RALGPS2: variants seen among roughly 807,000 people sequenced by gnomAD.
RALGPS2 encodes Ral GEF with PH domain and SH3 binding motif 2, also known as ras-specific guanine nucleotide-releasing factor RalGPS2.
In RALGPS2, 43 loss-of-function variants were observed where a neutral mutation model predicts 86.8. The ratio of observed to expected loss-of-function variants is 0.50; its 90% CI spans 0.39 to 0.64. RALGPS2 has a LOEUF of 0.64. RALGPS2 is among the 30% of genes least tolerant of loss of function. The probability of loss-of-function intolerance (pLI) is 0.00; values close to 1 mark genes in which losing one functional copy is unlikely to be tolerated. For missense variants in RALGPS2, 536 were observed against 694.6 expected (o/e 0.77, Z 2.57); for synonymous variants, 243 against 231.3 (o/e 1.05, Z -0.46).
At chr1:178,757,243 G>A (rs1652003367) in intron 1 of RALGPS2, among the ~76,000 whole-genome samples, 1 of 152,172 alleles carries the variant, frequency 6.6e-6, no homozygotes, top group South Asian at 2.1e-4. Context: ...CACATAGTCA[G>A]TGAAGAGAGC....
intron 7 of RALGPS2, among the ~76,000 whole-genome samples, chr1:178,830,749 T>G (rs2102243477): frequency 6.6e-6 from 1 of 152,204 alleles, no homozygotes; most frequent in Non-Finnish European, 1.5e-5. Context: ...AATAATAAAT[T>G]TTGTCATGTT....
chr1:178,907,956 G>A (rs1028882091), intron 19 of RALGPS2, among the ~76,000 whole-genome samples: 3 of 151,956 alleles, frequency 2.0e-5, no homozygotes, highest in Non-Finnish European at 4.4e-5. Flanking sequence ...TTGACTTTTG[G>A]GTTCAGAGGG....
Position 178,837,105 on chromosome 1 carries a change from A to G in RALGPS2, c.607+3555A>G, listed in dbSNP as rs77374421. 3.7e-4 allele frequency among the ~76,000 whole-genome samples: 57 copies of G among 152,272 alleles called. No individual in the cohort carries two copies. In the East Asian group the frequency reaches 0.011, roughly 28 times the overall value. On this transcript the variant is annotated intron_variant, in intron 8 of 19. Transcript: ENST00000367635. ...CAGTCCACTTCTTTTCTTACTCTAT[A>G]TAATCGGAGTGGTCTCATTCAGGTT... is the stretch of plus-strand genomic sequence containing the variant.
intron 6 of RALGPS2, among the ~76,000 whole-genome samples, chr1:178,814,222 G>A (rs1655124173): frequency 1.3e-5 from 2 of 152,182 alleles, no homozygotes; most frequent in Admixed American, 6.5e-5. Flanking sequence ...ACTCAGCAGT[G>A]TTACTTAATG....
intron 1 of RALGPS2, among the ~76,000 whole-genome samples, chr1:178,748,212 C>A (rs140515640): frequency 1.1e-3 from 163 of 151,708 alleles, no homozygotes; most frequent in African/African-American, 3.6e-3. Flanking sequence ...CCCAGCCACT[C>A]GGGAGGCTGA....
rs566344725 is a variant in RALGPS2 at position 178,886,764 on chromosome 1, A to G, written c.1192+644A>G. The stretch of plus-strand genomic sequence containing the variant: ...GAAGGATGAGTCATCAAAGGAAACT[A>G]AAAAGGAGAGATCAGTGAAGTAAGG... On this transcript the variant is annotated intron_variant, in intron 13 of 19. Transcript: ENST00000367635. Among the ~76,000 whole-genome samples, 4 of 152,310 alleles carry G rather than the reference A, an allele frequency of 2.6e-5. No individual in the cohort carries two copies. The East Asian group carries it at 5.8e-4, about 22-fold the overall frequency.
chr1:178,832,623 C>A (rs549168848), intron 7 of RALGPS2, among the ~76,000 whole-genome samples: 2 of 151,588 alleles, frequency 1.3e-5, no homozygotes, highest in African/African-American at 4.8e-5. Flanking sequence ...TGTAAAACAA[C>A]ACCAATATTT....
At chr1:178,748,862 AAAAAG>A (rs1651490286) in intron 1 of RALGPS2, among the ~76,000 whole-genome samples, 2 of 150,428 alleles carry the variant, frequency 1.3e-5, no homozygotes, top group Non-Finnish European at 3.0e-5. Flanking sequence ...AAAAAAAAAA[AAAAAG>A]AAGGCAGGCA....
chr1:178,737,097 A>T (rs895192058), intron 1 of RALGPS2, among the ~76,000 whole-genome samples: 1 of 152,164 alleles, frequency 6.6e-6, no homozygotes, highest in Non-Finnish European at 1.5e-5. Flanking sequence ...TTGAATCTAA[A>T]ATGGCTTCAG....
Position 178,751,174 on chromosome 1 carries a change from A to G in RALGPS2, c.-83-25508A>G, listed in dbSNP as rs763156087. Among the ~76,000 whole-genome samples the G allele has an allele frequency of 5.3e-5, 8 of 151,986 alleles. No individual in the cohort carries two copies. In the East Asian group the frequency reaches 1.3e-3, roughly 26 times the overall value. The stretch of plus-strand genomic sequence containing the variant: ...CCCCCAAACCCTTATGCTTTTTTCT[A>G]CAAAGAACCAACATTCCTCCGTTAT... On this transcript the variant is annotated intron_variant, in intron 1 of 19. Transcript: ENST00000367635.
intron 4 of RALGPS2, among the ~76,000 whole-genome samples, chr1:178,805,500 T>C (rs1390660932): frequency 1.3e-5 from 2 of 151,848 alleles, no homozygotes; most frequent in Non-Finnish European, 2.9e-5. Flanking sequence ...TACATATGGC[T>C]AGCCAGTTTT....
chr1:178,803,974 G>A (rs75627984), intron 4 of RALGPS2, among the ~76,000 whole-genome samples: 5,467 of 151,986 alleles, frequency 0.036, 121 homozygotes, highest in African/African-American at 0.055. Flanking sequence ...CATATCCACT[G>A]ACAGTGCCCT....
chr1:178,847,200 C>G (rs1656908830), intron 8 of RALGPS2, among the ~76,000 whole-genome samples: 1 of 152,204 alleles, frequency 6.6e-6, no homozygotes, highest in Admixed American at 6.5e-5. Flanking sequence ...AATCCCAGCA[C>G]TTTGGGAGGC....
chr1:178,864,385 G>C (rs1426988973), intron 8 of RALGPS2, among the ~76,000 whole-genome samples: 2 of 152,078 alleles, frequency 1.3e-5, no homozygotes, highest in African/African-American at 2.4e-5. Flanking sequence ...CGGCAAGAAG[G>C]CATGGCTTTT....
intron 2 of RALGPS2, among the ~76,000 whole-genome samples, chr1:178,779,747 G>A (rs1285588142): frequency 1.3e-5 from 2 of 152,134 alleles, no homozygotes; most frequent in Non-Finnish European, 2.9e-5. Flanking sequence ...TTGTGGTGGG[G>A]TTTGAGACAG....
chr1:178,819,668 C>T (rs1316239519), intron 6 of RALGPS2, among the ~76,000 whole-genome samples: 1 of 152,144 alleles, frequency 6.6e-6, no homozygotes, highest in Non-Finnish European at 1.5e-5. Flanking sequence ...GCTAGCTTTA[C>T]AGTGAATTTT....
Position 178,920,772 on chromosome 1 carries a change from C to T in RALGPS2, c.*4413C>T, listed in dbSNP as rs1018193462. Reference sequence around the variant, plus strand: ...AAAGCCCTAAAAGAATAAGATACAACCAGAAATATTTGAGTTTTGTTAAAT... The same window carrying T: ...AAAGCCCTAAAAGAATAAGATACAATCAGAAATATTTGAGTTTTGTTAAAT... On this transcript the variant is annotated 3_prime_UTR_variant, in exon 20 of 20. Transcript: ENST00000367635. The T allele has an allele frequency of 2.0e-5, 3 of 152,036 alleles. No individual in the cohort carries two copies. Among genetic ancestry groups the T allele is most frequent in the Admixed American group, 2.0e-4 (3 of 15,250 alleles). 9.4% of individuals were successfully genotyped at this position (152,036 alleles called of 1,614,324 possible).
At chr1:178,764,057 G>A (rs1652379565) in intron 1 of RALGPS2, among the ~76,000 whole-genome samples, 1 of 152,038 alleles carries the variant, frequency 6.6e-6, no homozygotes, top group Non-Finnish European at 1.5e-5. Context: ...CCTGTTGTCA[G>A]TGAGGTGTTG....
rs545909839 is a variant in RALGPS2, at chr1:178,796,693, A to G, written c.213+11086A>G. On this transcript the variant is annotated intron_variant, in intron 4 of 19. Transcript: ENST00000367635. ...GAACCTACAAGATGAAATTTAGATC[A>G]AGAATTTCTTTGCAGAACAAACCTA... Among the ~76,000 whole-genome samples, 36 of 152,316 alleles carry G rather than the reference A, an allele frequency of 2.4e-4. No individual in the cohort carries two copies. In the South Asian group the frequency reaches 4.6e-3, roughly 19 times the overall value.
Sources: allele counts gnomAD v4.1 joint callset (sites outside exome capture counted in the v4.1 genomes callset), GRCh38; gene constraint gnomAD v4.1.1; transcripts MANE v1.5; gene names NCBI Gene and HGNC (gene_info 2026-07-23, HGNC 2026-07-21).